XPO1: variants seen among roughly 807,000 people sequenced by gnomAD.
XPO1 encodes the protein exportin-1.
XPO1 carries 5 observed loss-of-function variants against 133.3 expected under a neutral mutation model. The observed-to-expected ratio is 0.04, with a 90% confidence interval of 0.02 to 0.08. XPO1 has a LOEUF of 0.08. Ranked by LOEUF, XPO1 falls within the 10% of genes least tolerant of loss-of-function variation. The probability of loss-of-function intolerance (pLI) is 1.00; values close to 1 mark genes in which losing one functional copy is unlikely to be tolerated. For synonymous variants in XPO1, 419 were observed against 408.2 expected, an observed-to-expected ratio of 1.03 and a Z score of -0.32; for missense variants, 506 against 1,267.5, an observed-to-expected ratio of 0.40 and a Z score of 9.12.
chr2:61,495,396 TTTAAGAG>T, intron 11 of XPO1, 52 bp downstream of exon 11: 1 of 1,411,142 alleles, frequency 7.1e-7, no homozygotes, highest in Non-Finnish European at 9.4e-7. Flanking sequence ...AAAAGGCACT[TTTAAGAG>T]TTATTAGTAG....
At chr2:61,485,645 C>G in intron 20 of XPO1, 123 bp downstream of exon 20, 1 of 907,122 alleles carries the variant, frequency 1.1e-6, no homozygotes, top group Non-Finnish European at 1.6e-6. Context: ...CCCTAATATA[C>G]AAGTTTAAAT....
chr2:61,481,246 C>G lies in XPO1; in HGVS notation c.3008G>C (p.Ser1003Thr). The G allele has an allele frequency of 6.2e-7, 1 of 1,612,096 alleles. No homozygotes were observed. The highest frequency in any genetic ancestry group is 1.1e-5 in the South Asian group (1 of 90,750). ...QVKLFVTGLFSLNQDIPAFKE... is the reference protein window; with the variant it reads ...QVKLFVTGLFTLNQDIPAFKE... ...GAAAGCAGGAATATCTTGATTTAAGCTGAAAAGCCCTGTCACAAAGAGCTT... is the reference window on the plus strand; with the variant it reads ...GAAAGCAGGAATATCTTGATTTAAGGTGAAAAGCCCTGTCACAAAGAGCTT... Residue 1003 changes from serine to threonine, a missense_variant, in exon 24 of 25, where the codon AGC becomes ACC. Ser to Thr is a moderately conservative substitution (Grantham distance 58). Coordinates refer to ENST00000401558, the MANE Select transcript of XPO1 (RefSeq NM_003400.4).
intron 4 of XPO1, among the ~76,000 whole-genome samples, chr2:61,503,778 G>A (rs1406723294): frequency 6.6e-6 from 1 of 152,170 alleles, no homozygotes; most frequent in African/African-American, 2.4e-5. Flanking sequence ...TGTTGGCTAG[G>A]CTGGTCTGAA....
At chr2:61,499,059 ATTGT>A (rs1422364319) in intron 7 of XPO1, 146 bp from the exon 8 acceptor site, 5 of 934,742 alleles carry the variant, frequency 5.3e-6, no homozygotes, top group Non-Finnish European at 7.7e-6. Flanking sequence ...TGGCAGAAGG[ATTGT>A]TTGAGACCAG....
At chr2:61,535,456 A>C (rs1007679372) in intron 1 of XPO1, among the ~76,000 whole-genome samples, 4 of 152,222 alleles carry the variant, frequency 2.6e-5, no homozygotes, top group African/African-American at 9.7e-5. Flanking sequence ...ATGAGTAGCT[A>C]ATTTCTTTAC....
chr2:61,481,032 C>G (rs549561346), intron 24 of XPO1, among the ~76,000 whole-genome samples, 153 bp downstream of exon 24: 1 of 152,248 alleles, frequency 6.6e-6, no homozygotes, highest in East Asian at 1.9e-4. Context: ...TATTACCAGT[C>G]TCAGGTTTTT....
intron 4 of XPO1, among the ~76,000 whole-genome samples, chr2:61,508,283 T>A (rs1027129092): frequency 2.6e-5 from 4 of 152,170 alleles, no homozygotes; most frequent in African/African-American, 4.8e-5. Context: ...GAAAGCCATA[T>A]AAAATTTATT....
chr2:61,529,327 T>A (rs1173690171), intron 2 of XPO1, among the ~76,000 whole-genome samples: 1 of 152,220 alleles, frequency 6.6e-6, no homozygotes, highest in Non-Finnish European at 1.5e-5. Context: ...TACCTTATAA[T>A]CTTTAGCTTG....
chr2:61,483,194 T>C, intron 21 of XPO1, 103 bp from the exon 22 acceptor site: 1 of 1,221,572 alleles, frequency 8.2e-7, no homozygotes, highest in Non-Finnish European at 1.1e-6. Flanking sequence ...CTGTTCTCCC[T>C]TTTTTTTGGG....
chr2:61,515,149 G>C (rs1299602344), intron 4 of XPO1, among the ~76,000 whole-genome samples: 1 of 151,882 alleles, frequency 6.6e-6, no homozygotes, highest in Non-Finnish European at 1.5e-5. Flanking sequence ...ATGTGAAGAG[G>C]GGCAGTGAAG....
At chr2:61,518,982 T>C (rs1438699858) in intron 4 of XPO1, among the ~76,000 whole-genome samples, 1 of 152,192 alleles carries the variant, frequency 6.6e-6, no homozygotes, top group East Asian at 1.9e-4. Flanking sequence ...TTTTTTGAGA[T>C]GAAGTCTCGC....
chr2:61,515,892 G>C (rs2104672263), intron 4 of XPO1, among the ~76,000 whole-genome samples: 1 of 144,018 alleles, frequency 6.9e-6, no homozygotes, highest in South Asian at 2.2e-4. Context: ...GACCATCCTG[G>C]CTAACACGGT....
At chr2:61,524,948 T>C (rs1698853456) in intron 3 of XPO1, among the ~76,000 whole-genome samples, 1 of 152,104 alleles carries the variant, frequency 6.6e-6, no homozygotes, top group Non-Finnish European at 1.5e-5. Flanking sequence ...TTTTTAGTAT[T>C]TTTGCTCAAA....
intron 1 of XPO1, among the ~76,000 whole-genome samples, chr2:61,535,294 C>G (rs1699311787): frequency 6.6e-6 from 1 of 152,132 alleles, no homozygotes; most frequent in Admixed American, 6.6e-5. Flanking sequence ...TAGCTCTAAC[C>G]CAGTTTTTAA....
In XPO1 at chr2:61,478,546, C is replaced by A. The variant is rs1047868392; in HGVS notation, c.*274G>T. 7 of 374,246 alleles carry A rather than the reference C, an allele frequency of 1.9e-5. No homozygotes were observed. Among genetic ancestry groups the A allele is most frequent in the Admixed American group, 9.0e-5 (2 of 22,176 alleles). 23.2% of individuals were successfully genotyped at this position (374,246 alleles called of 1,614,324 possible). On this transcript the variant is annotated 3_prime_UTR_variant, in exon 25 of 25. Coordinates refer to ENST00000401558, the MANE Select transcript of XPO1 (RefSeq NM_003400.4). ...TTCAAATCGAATTTGCCTCCTCCCC[C>A]CAGCCCAGCCACAAAAATGGGCATG... is the stretch of plus-strand genomic sequence containing the variant.
rs1401572345 is a variant in XPO1, at chr2:61,490,746, T to C, written c.1918A>G (p.Met640Val). The change falls in exon 17 of 25, where the codon ATG (methionine) becomes GTG (valine). Residue 640 changes from methionine to valine, a missense_variant. Met to Val is a conservative substitution (Grantham distance 21, BLOSUM62 1). Around this residue, in one of 6 missense-constraint regions of XPO1, gnomAD observed 60 missense variants for 211.0 expected, o/e 0.28. Transcript: ENST00000401558. ...GTTTGATCTGTTTGTGCACCAATCA[T>C]GTACCCCACAGCTTCATAAAACGTA... is the stretch of plus-strand genomic sequence containing the variant. The part of the protein sequence containing the change: ...VHTFYEAVGY[M>V]IGAQTDQTVQ... 2 of 1,614,160 alleles carry C rather than the reference T, an allele frequency of 1.2e-6. No homozygotes were observed. Among genetic ancestry groups the C allele is most frequent in the Admixed American group, 1.7e-5 (1 of 59,998 alleles).
Position 61,511,009 on chromosome 2 carries a change from G to C in XPO1, c.302-8699C>G, listed in dbSNP as rs1439073550. Among the ~76,000 whole-genome samples, 4 of 151,368 alleles carry C rather than the reference G, an allele frequency of 2.6e-5. No individual in the cohort carries two copies. The East Asian group carries it at 5.8e-4, about 22-fold the overall frequency. On this transcript the variant is annotated intron_variant, in intron 4 of 24. Transcript: ENST00000401558. ...CAAACACTGTTAGGTATCAAGTATA[G>C]GCCTTTCATGGAGGCCTGTAATCAA...
At chr2:61,509,410 T>G (rs1697981020) in intron 4 of XPO1, among the ~76,000 whole-genome samples, 1 of 152,106 alleles carries the variant, frequency 6.6e-6, no homozygotes. Context: ...GCGGCTCACC[T>G]GAGGTTTGGA....
chr2:61,517,401 T>C (rs966060752), intron 4 of XPO1, among the ~76,000 whole-genome samples: 6 of 152,180 alleles, frequency 3.9e-5, no homozygotes, highest in East Asian at 3.9e-4. Flanking sequence ...CTGGACAACA[T>C]AGGCAAACTG....
Sources: gnomAD v4.1 joint callset for allele counts (sites outside exome capture counted in the v4.1 genomes callset) on GRCh38, gnomAD v4.1.1 for gene constraint, gnomAD v4.1.1 regional missense constraint, MANE v1.5 for transcripts, NCBI Gene and HGNC (gene_info 2026-07-23, HGNC 2026-07-21) for gene names.